The following POLK variants were observed in gnomAD, a reference collection of about 807,000 sequenced individuals.
POLK encodes DNA polymerase kappa.
A neutral mutation model predicts 94.0 loss-of-function variants in POLK; 76 were observed. The ratio of observed to expected loss-of-function variants is 0.81; its 90% CI spans 0.67 to 0.98. The LOEUF (loss-of-function observed/expected upper bound fraction) is 0.98. Among genes scored for constraint, POLK ranks in the 50% least tolerant of loss-of-function variants. The pLI, the probability that POLK is intolerant of heterozygous loss-of-function variation, is 0.00. For missense variants in POLK, 954 were observed against 1,010.1 expected, an observed-to-expected ratio of 0.94 and a Z score of 0.75; for synonymous variants, 349 against 325.4, an observed-to-expected ratio of 1.07 and a Z score of -0.78.
intron 11 of POLK, among the ~76,000 whole-genome samples, chr5:75,592,249 A>G (rs1211289319): frequency 6.6e-6 from 1 of 152,252 alleles, no homozygotes; most frequent in Non-Finnish European, 1.5e-5. Context: ...GCATCTGGCA[A>G]TGCAGAAGGC....
chr5:75,571,984 G>A (rs1771623338), intron 4 of POLK, among the ~76,000 whole-genome samples: 1 of 152,184 alleles, frequency 6.6e-6, no homozygotes. Flanking sequence ...CCAAGGATTA[G>A]TATAGTTCTG....
chr5:75,581,406 C>T (rs200548318), exon 7 of POLK: 39 of 1,613,170 alleles, frequency 2.4e-5, no homozygotes, highest in East Asian at 4.5e-5. Flanking sequence ...AAAGGAAATT[C>T]GTTTCAGAAT....
exon 3 of POLK, chr5:75,552,581 C>T: frequency 6.2e-7 from 1 of 1,606,524 alleles, no homozygotes; most frequent in Non-Finnish European, 8.5e-7. Context: ...CTAAGAAAAG[C>T]ACAATTACAG....
intron 10 of POLK, among the ~76,000 whole-genome samples, chr5:75,589,748 C>T (rs919267368): frequency 2.0e-5 from 3 of 152,158 alleles, no homozygotes; most frequent in Non-Finnish European, 4.4e-5. Context: ...GGTCCATACT[C>T]ATCATTCTGG....
chr5:75,579,454 C>G (rs1196411063), intron 6 of POLK, among the ~76,000 whole-genome samples: 1 of 151,850 alleles, frequency 6.6e-6, no homozygotes, highest in African/African-American at 2.4e-5. Flanking sequence ...ACTGCAACCT[C>G]TGCCTCCTGG....
At chr5:75,571,119 G>A (rs1363428756) in intron 4 of POLK, among the ~76,000 whole-genome samples, 3 of 151,940 alleles carry the variant, frequency 2.0e-5, no homozygotes, top group Non-Finnish European at 4.4e-5. Context: ...TACAATTTCT[G>A]TCCTCCTAAA....
intron 10 of POLK, among the ~76,000 whole-genome samples, chr5:75,589,143 A>AT (rs1772619359): frequency 6.6e-6 from 1 of 152,076 alleles, no homozygotes; most frequent in Non-Finnish European, 1.5e-5. Context: ...TACTCACTGC[A>AT]TTTTTTATGA....
upstream of POLK, chr5:75,511,220 A>G (rs1460142121): frequency 6.2e-7 from 1 of 1,612,172 alleles, no homozygotes; most frequent in Non-Finnish European, 8.5e-7. Context: ...AGGCTCGACA[A>G]CCGAGCAGGA....
intron 1 of POLK, among the ~76,000 whole-genome samples, chr5:75,544,839 G>A (rs1412857298): frequency 2.0e-5 from 3 of 152,254 alleles, no homozygotes; most frequent in Non-Finnish European, 2.9e-5. Context: ...TTAATGAAGC[G>A]TAAGGCAAAA....
intron 10 of POLK, 60 bp downstream of exon 10, chr5:75,587,118 G>A: frequency 1.0e-6 from 1 of 971,598 alleles, no homozygotes; most frequent in East Asian, 2.7e-5. Context: ...AACTAATATT[G>A]AATTAATTTT....
chr5:75,576,784 A>G (rs188815580), exon 6 of POLK: 60 of 1,499,778 alleles, frequency 4.0e-5, no homozygotes, highest in Admixed American at 3.5e-4. Flanking sequence ...TTGAAGGTTA[A>G]GGAAATACTT....
intron 2 of POLK, among the ~76,000 whole-genome samples, chr5:75,550,428 A>C (rs1450686630): frequency 1.3e-5 from 2 of 152,074 alleles, no homozygotes; most frequent in Admixed American, 1.3e-4. Flanking sequence ...AAAATACAAA[A>C]ATAAGCCAGG....
intron 1 of POLK, among the ~76,000 whole-genome samples, chr5:75,541,681 A>G (rs546560797): frequency 3.3e-5 from 5 of 152,240 alleles, no homozygotes; most frequent in Non-Finnish European, 7.3e-5. Flanking sequence ...TCAGTGACAC[A>G]TGTAAATGAG....
chr5:75,591,761 A>G (rs1384536876), intron 11 of POLK, among the ~76,000 whole-genome samples: 3 of 152,168 alleles, frequency 2.0e-5, no homozygotes, highest in Non-Finnish European at 2.9e-5. Flanking sequence ...GTAGTACTAT[A>G]CAGGTATTCT....
intron 1 of POLK, among the ~76,000 whole-genome samples, chr5:75,530,714 C>G (rs1372688322): frequency 6.6e-6 from 1 of 151,156 alleles, no homozygotes; most frequent in Non-Finnish European, 1.5e-5. Flanking sequence ...GTATATTAGT[C>G]TGTTCATTCA....
intron 11 of POLK, among the ~76,000 whole-genome samples, chr5:75,590,751 A>G (rs1772740997): frequency 6.6e-6 from 1 of 152,212 alleles, no homozygotes; most frequent in Non-Finnish European, 1.5e-5. Context: ...CTGGCATTAG[A>G]GAATAAGGCA....
chr5:75,531,396 T>C (rs1230319085), intron 1 of POLK, among the ~76,000 whole-genome samples: 2 of 151,810 alleles, frequency 1.3e-5, no homozygotes, highest in Non-Finnish European at 2.9e-5. Flanking sequence ...TATAGCTATT[T>C]ACACCAGTAT....
At chr5:75,533,719 G>A (rs1000967377) in intron 1 of POLK, among the ~76,000 whole-genome samples, 13 of 152,206 alleles carry the variant, frequency 8.5e-5, no homozygotes, top group African/African-American at 3.1e-4. Flanking sequence ...TTCTATCCAT[G>A]AGCATGGAAT....
At chr5:75,511,332 G>A (rs754735042), upstream of POLK, 17 of 1,546,326 alleles carry the variant, frequency 1.1e-5, no homozygotes, top group Non-Finnish European at 6.1e-6. Context: ...CGGTGTGGGG[G>A]GGAGCAGGAG....
Sources: gnomAD v4.1 joint callset for allele counts (sites outside exome capture counted in the v4.1 genomes callset) on GRCh38, gnomAD v4.1.1 for gene constraint, MANE v1.5 for transcripts, NCBI Gene and HGNC (gene_info 2026-07-23, HGNC 2026-07-21) for gene names.